ABCA2: variants seen among roughly 807,000 people sequenced by gnomAD.
ABCA2 encodes ATP binding cassette subfamily A member 2.
A neutral mutation model predicts 262.8 loss-of-function variants in ABCA2; 84 were observed. The ratio of observed to expected loss-of-function variants is 0.32; its 90% CI spans 0.27 to 0.38. The LOEUF is 0.38. ABCA2 is among the 10% of genes least tolerant of loss of function. The probability of loss-of-function intolerance (pLI) is 1.00; values close to 1 mark genes in which losing one functional copy is unlikely to be tolerated. For missense variants in ABCA2, 2,662 were observed against 3,405.9 expected, an observed-to-expected ratio of 0.78 and a Z score of 5.44; for synonymous variants, 1,696 against 1,502.9, an observed-to-expected ratio of 1.13 and a Z score of -2.97.
At chr9:137,024,390 G>A (rs1831581502) in intron 1 of ABCA2, among the ~76,000 whole-genome samples, 154 bp from the exon 2 acceptor site, 1 of 152,176 alleles carries the variant, frequency 6.6e-6, no homozygotes, top group Non-Finnish European at 1.5e-5. Flanking sequence ...CTGAAGGTCT[G>A]AGCCCCTTCC....
intron 40 of ABCA2, 85 bp from the exon 41 acceptor site, chr9:137,010,456 T>A: frequency 1.2e-6 from 1 of 818,202 alleles, no homozygotes; most frequent in Non-Finnish European, 1.4e-6. Flanking sequence ...CTGCCCCACC[T>A]CCAGAGCCCA....
At chr9:137,010,451 C>T in intron 40 of ABCA2, 80 bp from the exon 41 acceptor site, 2 of 1,505,220 alleles carry the variant, frequency 1.3e-6, no homozygotes, top group South Asian at 2.5e-5. Flanking sequence ...AGACCCTGCC[C>T]CACCTCCAGA....
intron 45 of ABCA2, 108 bp downstream of exon 45, chr9:137,009,262 T>C (rs1243005682): frequency 1.0e-5 from 2 of 196,338 alleles, no homozygotes; most frequent in Non-Finnish European, 1.6e-5. Context: ...CCAGCCCCCC[T>C]GGCCCCACAG....
At chr9:137,022,639 A>C (rs1831510996) in intron 5 of ABCA2, 63 bp downstream of exon 5, 5 of 1,572,168 alleles carry the variant, frequency 3.2e-6, no homozygotes, top group Non-Finnish European at 4.3e-6. Flanking sequence ...TGTGGGCTTC[A>C]GCCCAGTGAC....
In ABCA2 at chr9:137,015,812, C is replaced by T; in HGVS notation, c.3377G>A (p.Gly1126Asp). The T allele has an allele frequency of 6.2e-7, 1 of 1,612,338 alleles. No homozygotes were observed. Among genetic ancestry groups the T allele is most frequent in the Non-Finnish European group, 8.5e-7 (1 of 1,179,780 alleles). ...CACGGACAGCTTGCGCTTCATGCCA[C>T]CCGACAATGTCTGCACCAGTGAGTG... Reference protein sequence around the residue: ...KRHSLVQTLSGGMKRKLSVAI... With the variant: ...KRHSLVQTLSDGMKRKLSVAI... Residue 1126 changes from glycine (G) to aspartate (D), a missense_variant, in exon 23 of 49, where the codon GGT becomes GAT. This residue lies in a region of ABCA2 where 180 missense variants were observed against 307.3 expected (regional missense o/e 0.59). Transcript: ENST00000341511.
chr9:137,013,800 AG>A, intron 28 of ABCA2, 31 bp downstream of exon 28: 1 of 1,574,494 alleles, frequency 6.4e-7, no homozygotes, highest in Non-Finnish European at 8.6e-7. Context: ...GGGGGAGGCA[AG>A]CCCAGCACCC....
At chr9:137,018,374 G>A (rs1287950416) in intron 13 of ABCA2, 23 bp from the exon 14 acceptor site, 2 of 1,561,862 alleles carry the variant, frequency 1.3e-6, no homozygotes, top group Non-Finnish European at 1.7e-6. Context: ...GGTTGGGGCG[G>A]GGCCAAGATG....
intron 1 of ABCA2, 51 bp from the exon 2 acceptor site, chr9:137,024,287 G>A: frequency 6.8e-7 from 1 of 1,471,514 alleles, no homozygotes; most frequent in Non-Finnish European, 9.2e-7. Flanking sequence ...GCTCGCCTAG[G>A]CCCTCCCCAG....
rs373842222 is a variant in ABCA2, at chr9:137,022,835, G to A, written c.306C>T (p.Arg102=). ...TVTQLLERLD[R]VVEEGNLFDP... is the part of the protein sequence containing the mutation. The stretch of plus-strand genomic sequence containing the variant: ...CAAACAGGTTGCCTTCCTCCACCAC[G>A]CGGTCCAGGCGCTCAAGCAGCTGCG... Residue 102 remains arginine, a synonymous_variant, in exon 5 of 49, where the codon CGC becomes CGT. Coordinates refer to ENST00000341511, the MANE Select transcript of ABCA2 (RefSeq NM_001606.5). 2.0e-5 allele frequency: 32 copies of A among 1,586,884 alleles called. No homozygotes were observed. The African/African-American group carries it at 2.4e-4, about 12-fold the overall frequency.
At chr9:137,027,273 C>G (rs1292366112) in intron 1 of ABCA2, among the ~76,000 whole-genome samples, 1 of 152,236 alleles carries the variant, frequency 6.6e-6, no homozygotes, top group East Asian at 1.9e-4. Context: ...ATCCCCAAGC[C>G]CCTCGCTCCA....
chr9:137,028,605 C>T, upstream of ABCA2: 1 of 1,040,084 alleles, frequency 9.6e-7, no homozygotes, highest in Non-Finnish European at 1.2e-6. This position sits in a 1 kb window ranked among gnomAD's most constrained non-coding sequence, Gnocchi z 6.9. Flanking sequence ...CGCCCCAAGC[C>T]TTCACTGTCC....
rs761097883 is a variant in ABCA2 at position 137,013,060 on chromosome 9, C to T, written c.4809G>A (p.Ala1603=). 1.4e-5 allele frequency: 21 copies of T among 1,468,192 alleles called. No homozygotes were observed. Among genetic ancestry groups the T allele is most frequent in the Middle Eastern group, 1.8e-4 (1 of 5,546 alleles). 90.9% of individuals were successfully genotyped at this position (1,468,192 alleles called of 1,614,324 possible). A position where few individuals can be genotyped will look rare whatever the true frequency, so the allele number is the denominator to read the frequency against. The change falls in exon 30 of 49, where the codon GCG becomes GCA. Residue 1603 remains alanine (A), a synonymous_variant. Transcript: ENST00000341511. ...PPSPAPSDSP[A]SPDEDLQAWN... ...AGGCCTGCAGGTCCTCATCCGGGGA[C>T]GCTGGCGAGTCAGATGGGGCGGGCG...
rs1831257636 is a variant in ABCA2, at chr9:137,016,309, G to A, written c.3086C>T (p.Ala1029Val). The A allele has an allele frequency of 1.9e-6, 3 of 1,612,722 alleles. No homozygotes were observed. Among genetic ancestry groups the A allele is most frequent in the Non-Finnish European group, 2.5e-6 (3 of 1,179,938 alleles). ...CACTCACATGGTGGTGGTCTTGCCC[G>A]CCCCGTTGTGGCCCAAGAAGGAGAC... Reference protein sequence around the residue: ...QVVSFLGHNGAGKTTTMSILT... With the variant: ...QVVSFLGHNGVGKTTTMSILT... Residue 1029 changes from alanine to valine, a missense_variant, in exon 21 of 49, where the codon GCG becomes GTG. Physicochemically the swap from Ala to Val is moderately conservative, Grantham distance 64. Around this residue, in one of 12 missense-constraint regions of ABCA2, gnomAD observed 180 missense variants for 307.3 expected, o/e 0.59. Coordinates refer to ENST00000341511, the MANE Select transcript of ABCA2 (RefSeq NM_001606.5).
rs1424424278 is a variant in ABCA2, at chr9:137,018,338, C to T, written c.1833G>A (p.Gln611=). ...NVTVFASVIF[Q]TRKDGSLPPH... is the part of the protein sequence containing the mutation. ...GCGGGAGCGAGCCGTCCTTCCGGGT[C>T]TGGAAGATCACACCTGGGGCCGGGA... The change falls in exon 14 of 49, where the codon CAG becomes CAA. Residue 611 remains glutamine (Q), a synonymous_variant. Coordinates refer to ENST00000341511, the MANE Select transcript of ABCA2 (RefSeq NM_001606.5). 6.9e-7 allele frequency: 1 copy of T among 1,442,004 alleles called. No homozygotes were observed. Among genetic ancestry groups the T allele is most frequent in the South Asian group, 1.1e-5 (1 of 88,100 alleles). 89.3% of individuals were successfully genotyped at this position (1,442,004 alleles called of 1,614,324 possible).
Position 137,007,943 on chromosome 9 carries a change from C to A in ABCA2, c.7297G>T (p.Asp2433Tyr), listed in dbSNP as rs771105113. The A allele has an allele frequency of 6.2e-7, 1 of 1,605,734 alleles. No individual in the cohort carries two copies. Among genetic ancestry groups the A allele is most frequent in the Non-Finnish European group, 8.5e-7 (1 of 1,179,862 alleles). ...EERAQLSFNT[D>Y]TLC Reference sequence around the variant, plus strand: ...GCTCTGGGTGGTCAGCAGAGCGTGTCCGTGTTGAAGGACAGCTGGGCCTGT... The same window carrying A: ...GCTCTGGGTGGTCAGCAGAGCGTGTACGTGTTGAAGGACAGCTGGGCCTGT... Residue 2433 changes from aspartate to tyrosine, a missense_variant, in exon 49 of 49, where the codon GAC (aspartate) becomes TAC (tyrosine). This residue lies in a region of ABCA2 where 212 missense variants were observed against 214.4 expected (regional missense o/e 0.99). Transcript: ENST00000341511.
At position 137,022,966 on chromosome 9, in the gene ABCA2, C is replaced by T. The variant is rs1246988490; in HGVS notation, c.250G>A (p.Gly84Ser). ...GTGGAGTTGGCGTACTGCAGGAAGC[C>T]GAACTCGTCTCGCTGGCCGTCCGGG... is the stretch of plus-strand genomic sequence containing the variant. Reference protein sequence around the residue: ...LCPDGQRDEFGFLQYANSTVT... With the variant: ...LCPDGQRDEFSFLQYANSTVT... Residue 84 changes from glycine to serine, a missense_variant, in exon 4 of 49, where the codon GGC becomes AGC. Transcript: ENST00000341511. The T allele has an allele frequency of 2.5e-6, 4 of 1,586,316 alleles. No homozygotes were observed. The highest frequency in any genetic ancestry group is 1.8e-5 in the Admixed American group (1 of 55,906).
intron 3 of ABCA2, chr9:137,023,375 G>A (rs1831545202): frequency 1.4e-6 from 1 of 709,012 alleles, no homozygotes; most frequent in South Asian, 1.4e-5. Context: ...CGTTTCAGGT[G>A]TGGCACTGCC....
Position 137,028,130 on chromosome 9 carries a change from A to C in ABCA2, c.11T>G (p.Leu4Arg). 1.0e-6 allele frequency: 1 copy of C among 985,124 alleles called. No individual in the cohort carries two copies. The allele number at this position is 985,124 out of a possible 1,614,324, so 61.0% of individuals were successfully genotyped here. The change falls in exon 1 of 49, where the codon CTG becomes CGG. Residue 4 changes from leucine (L) to arginine (R), a missense_variant. Coordinates refer to ENST00000341511, the MANE Select transcript of ABCA2 (RefSeq NM_001606.5). The surrounding 1 kb of genome is among the most constrained non-coding windows in gnomAD (Gnocchi z 6.9). Reference sequence around the variant, plus strand: ...CCAGAGCAGCAGCTGCAGCTGGTGCAGGAAGCCCATGGCGGGGCCACGCTC... The same window carrying C: ...CCAGAGCAGCAGCTGCAGCTGGTGCCGGAAGCCCATGGCGGGGCCACGCTC... Reference protein sequence around the residue: MGFLHQLQLLLWKN... With the variant: MGFRHQLQLLLWKN...
At chr9:137,026,324 C>G (rs1015308030) in intron 1 of ABCA2, among the ~76,000 whole-genome samples, 1 of 152,218 alleles carries the variant, frequency 6.6e-6, no homozygotes. Context: ...CCTGCCCCAG[C>G]AGGGCGCATG....
Sources: allele counts gnomAD v4.1 joint callset (sites outside exome capture counted in the v4.1 genomes callset), GRCh38; gene constraint gnomAD v4.1.1; regional missense constraint gnomAD v4.1.1; non-coding constraint Gnocchi (gnomAD v3.1); transcripts MANE v1.5; gene names NCBI Gene and HGNC (gene_info 2026-07-23, HGNC 2026-07-21).